Variants in NDST4 observed in about 807,000 individuals in gnomAD.
NDST4 encodes the protein N-heparan sulfate sulfotransferase 4.
Under a neutral mutation model 100.8 loss-of-function variants are expected in NDST4, and 63 were observed. The observed-to-expected ratio is 0.62, with a 90% CI of 0.51 to 0.77. The LOEUF (loss-of-function observed/expected upper bound fraction) is 0.77, where lower values mean the gene tolerates loss of function less well. Among genes scored for constraint, NDST4 ranks in the 30% least tolerant of loss-of-function variants. The pLI is 0.00. For missense variants in NDST4, 943 were observed against 1,018.4 expected (o/e 0.93, Z 1.01); for synonymous variants, 377 against 361.8 (o/e 1.04, Z -0.48).
In NDST4 at chr4:114,833,700, C is replaced by T. The variant is rs1229336108; in HGVS notation, c.2302G>A (p.Gly768Arg). The T allele has an allele frequency of 6.2e-7, 1 of 1,607,906 alleles. No homozygotes were observed. The highest frequency in any genetic ancestry group is 8.5e-7 in the Non-Finnish European group (1 of 1,177,434). The change falls in exon 12 of 14, where the codon GGA becomes AGA. Residue 768 changes from glycine (G) to arginine (R), a missense_variant. This residue lies in a region of NDST4 where 526 missense variants were observed against 634.1 expected (regional missense o/e 0.83). Transcript: ENST00000264363. ...GCTGGGTCAGATCTCAGCTGCTGTC[C>T]ATCAATAATTAGCAACTGTAAAGTC... ...FATSQLLIIDGQQLRSDPATV... is the reference protein window; with the variant it reads ...FATSQLLIIDRQQLRSDPATV...
At chr4:114,993,744 TC>T (rs1727101695) in intron 2 of NDST4, among the ~76,000 whole-genome samples, 2 of 151,950 alleles carry the variant, frequency 1.3e-5, no homozygotes, top group African/African-American at 4.8e-5. Context: ...AAAAGTTCCA[TC>T]CTTGTCCATA....
chr4:114,892,797 TA>T (rs144899397), intron 6 of NDST4, among the ~76,000 whole-genome samples: 1,930 of 151,972 alleles, frequency 0.013, 44 homozygotes, highest in African/African-American at 0.044. Context: ...TTCTTCTTCT[TA>T]AAAAAGGGGT....
At chr4:115,021,977 T>TAA (rs1727839899) in intron 2 of NDST4, among the ~76,000 whole-genome samples, 10 of 152,094 alleles carry the variant, frequency 6.6e-5, no homozygotes, top group African/African-American at 2.4e-4. Flanking sequence ...TCCATATATA[T>TAA]GTTCCATATC....
intron 2 of NDST4, among the ~76,000 whole-genome samples, chr4:115,043,000 A>G (rs1241012265): frequency 1.3e-5 from 2 of 151,858 alleles, no homozygotes; most frequent in African/African-American, 4.8e-5. Context: ...ATCTTTTGGT[A>G]CTCTGGGAGT....
Position 115,076,410 on chromosome 4 carries a change from C to A in NDST4, c.627G>T (p.Lys209Asn). 6.2e-7 allele frequency: 1 copy of A among 1,613,912 alleles called. No individual in the cohort carries two copies. The highest frequency in any genetic ancestry group is 8.5e-7 in the Non-Finnish European group (1 of 1,179,956). The change falls in exon 2 of 14, where the codon AAG becomes AAT. Residue 209 changes from lysine (K) to asparagine (N), a missense_variant. Lys to Asn is a moderately conservative substitution (Grantham distance 94). This residue lies in a region of NDST4 where 417 missense variants were observed against 384.2 expected (regional missense o/e 1.09). Transcript: ENST00000264363. The stretch of plus-strand genomic sequence containing the variant: ...CCCCAGGAAGAGGGCCTTTCTCAAC[C>A]TTGGGGGCTTTGGTAATATGCAGCA... ...SPLLHITKAP[K>N]VEKGPLPGED...
chr4:114,846,068 T>A (rs1723543243), intron 9 of NDST4, 71 bp from the exon 10 acceptor site: 2 of 1,129,740 alleles, frequency 1.8e-6, no homozygotes, highest in African/African-American at 3.1e-5. Flanking sequence ...TGTGAAATAA[T>A]TGGAACATTT....
intron 1 of NDST4, among the ~76,000 whole-genome samples, chr4:115,083,082 G>A (rs145486037): frequency 2.0e-5 from 3 of 152,054 alleles, no homozygotes; most frequent in South Asian, 2.1e-4. Context: ...TGCTTCATGC[G>A]TTTTTTTGTT....
intron 2 of NDST4, among the ~76,000 whole-genome samples, chr4:115,068,641 C>A (rs1406462290): frequency 2.7e-4 from 37 of 138,144 alleles, no homozygotes; most frequent in South Asian, 4.7e-4. Flanking sequence ...ACCCCATCTC[C>A]AAAAAAAAAA....
intron 2 of NDST4, among the ~76,000 whole-genome samples, chr4:114,994,703 T>A (rs562114457): frequency 6.6e-6 from 1 of 152,150 alleles, no homozygotes; most frequent in Non-Finnish European, 1.5e-5. Context: ...CCTTTGGGGT[T>A]AGATGATGAT....
intron 1 of NDST4, among the ~76,000 whole-genome samples, chr4:115,082,112 T>C (rs1185629312): frequency 6.7e-6 from 1 of 149,864 alleles, no homozygotes; most frequent in Non-Finnish European, 1.5e-5. Flanking sequence ...TAGGTGTTGA[T>C]TTTCCTGTTC....
rs79666918 is a variant in NDST4 at position 114,879,195 on chromosome 4, A to G, written c.1537-8245T>C. ...ATGAGTACATTTAAAATCTTCTTTT[A>G]GCTACTTTGAAATATACAATACATT... is the stretch of plus-strand genomic sequence containing the variant. On this transcript the variant is annotated intron_variant, in intron 6 of 13. Transcript: ENST00000264363. 9.2e-5 allele frequency among the ~76,000 whole-genome samples: 14 copies of G among 152,268 alleles called. No homozygotes were observed. The East Asian group carries it at 2.7e-3, about 29-fold the overall frequency.
intron 3 of NDST4, among the ~76,000 whole-genome samples, chr4:114,973,194 G>A (rs1312112497): frequency 1.3e-5 from 2 of 151,840 alleles, no homozygotes; most frequent in African/African-American, 2.4e-5. Context: ...TTATTTTTCT[G>A]TACCTAATAT....
intron 6 of NDST4, among the ~76,000 whole-genome samples, chr4:114,906,872 T>A (rs567870723): frequency 2.7e-4 from 41 of 152,214 alleles, no homozygotes; most frequent in African/African-American, 8.7e-4. Flanking sequence ...TAAGCCTGTT[T>A]GTCAAGATTG....
chr4:115,007,571 G>T (rs1416901694), intron 2 of NDST4, among the ~76,000 whole-genome samples: 3 of 67,272 alleles, frequency 4.5e-5, no homozygotes, highest in South Asian at 7.4e-4. Flanking sequence ...AGGGTGAGCT[G>T]AGAATTCCAA....
chr4:114,986,793 C>CATATGTGT (rs1218840726), intron 2 of NDST4, among the ~76,000 whole-genome samples: 8 of 91,148 alleles, frequency 8.8e-5, no homozygotes, highest in African/African-American at 3.6e-4. Flanking sequence ...TCCAATTATA[C>CATATGTGT]ATATATATAT....
chr4:115,069,890 GTAAA>G (rs1215439040), intron 2 of NDST4, among the ~76,000 whole-genome samples: 1 of 152,016 alleles, frequency 6.6e-6, no homozygotes, highest in African/African-American at 2.4e-5. Flanking sequence ...CTCTAAATAA[GTAAA>G]TAAATAAAAA....
At chr4:114,966,776 C>A (rs374323040) in intron 4 of NDST4, among the ~76,000 whole-genome samples, 4 of 151,896 alleles carry the variant, frequency 2.6e-5, no homozygotes, top group African/African-American at 9.7e-5. Flanking sequence ...ATTTGTGGAC[C>A]GATGTAATCC....
At chr4:114,998,999 T>A (rs546311357) in intron 2 of NDST4, among the ~76,000 whole-genome samples, 13 of 152,190 alleles carry the variant, frequency 8.5e-5, no homozygotes, top group African/African-American at 2.9e-4. Flanking sequence ...ATTGAGAAAG[T>A]AAACTTCATG....
At chr4:114,920,192 C>A (rs957823906) in intron 6 of NDST4, among the ~76,000 whole-genome samples, 1 of 152,044 alleles carries the variant, frequency 6.6e-6, no homozygotes, top group African/African-American at 2.4e-5. Flanking sequence ...TGGGTAAAAG[C>A]TGCATCAAAT....
Sources: gnomAD v4.1 joint callset for allele counts (sites outside exome capture counted in the v4.1 genomes callset) on GRCh38, gnomAD v4.1.1 for gene constraint, gnomAD v4.1.1 regional missense constraint, MANE v1.5 for transcripts, NCBI Gene and HGNC (gene_info 2026-07-23, HGNC 2026-07-21) for gene names.